Variants in ARHGAP10 observed in about 807,000 individuals in gnomAD.
ARHGAP10 encodes rho GTPase-activating protein 10.
A neutral mutation model predicts 108.6 loss-of-function variants in ARHGAP10; 87 were observed. The observed-to-expected ratio is 0.80, with a 90% confidence interval of 0.67 to 0.96. The LOEUF (loss-of-function observed/expected upper bound fraction) is 0.96. Ranked by LOEUF, ARHGAP10 falls within the 40% of genes least tolerant of loss-of-function variation. ARHGAP10 has a pLI of 0.00. For missense variants in ARHGAP10, 939 were observed against 954.5 expected (o/e 0.98, Z 0.21); for synonymous variants, 347 against 341.1 (o/e 1.02, Z -0.19).
At chr4:147,939,109 A>C (rs1383330611) in intron 13 of ARHGAP10, among the ~76,000 whole-genome samples, 2 of 152,236 alleles carry the variant, frequency 1.3e-5, no homozygotes, top group Non-Finnish European at 2.9e-5. Context: ...ATTGCATCAA[A>C]AATGTCTTTT....
At chr4:147,953,808 C>G (rs1738694762) in intron 15 of ARHGAP10, among the ~76,000 whole-genome samples, 1 of 151,826 alleles carries the variant, frequency 6.6e-6, no homozygotes, top group Admixed American at 6.6e-5. Flanking sequence ...TTAATTTACA[C>G]TTCTTTTTTT....
Position 147,784,793 on chromosome 4 carries a change from A to G in ARHGAP10, c.155-37934A>G, listed in dbSNP as rs1190599667. 2.4e-4 allele frequency among the ~76,000 whole-genome samples: 8 copies of G among 33,128 alleles called. 3 individuals are homozygous for G. Among genetic ancestry groups the G allele is most frequent in the Admixed American group, 1.8e-3 (3 of 1,682 alleles). 21.7% of individuals were successfully genotyped at this position (33,128 alleles called of 152,430 possible). On this transcript the variant is annotated intron_variant, in intron 1 of 22. Coordinates refer to ENST00000336498, the MANE Select transcript of ARHGAP10 (RefSeq NM_024605.4). ...ATAAATATAATATATTATAAAATAT[A>G]TATTATAAATATAATATATTATAAA...
At chr4:147,997,743 T>C (rs1740535667) in intron 18 of ARHGAP10, among the ~76,000 whole-genome samples, 1 of 152,220 alleles carries the variant, frequency 6.6e-6, no homozygotes, top group South Asian at 2.1e-4. Context: ...ATTCTGAGGT[T>C]GATAAGTCTT....
intron 1 of ARHGAP10, among the ~76,000 whole-genome samples, chr4:147,741,296 A>C (rs1728647154): frequency 6.6e-6 from 1 of 152,236 alleles, no homozygotes. Flanking sequence ...ATGAATCTTA[A>C]AGACATTTAA....
chr4:147,889,088 A>G (rs1471302683), intron 10 of ARHGAP10, among the ~76,000 whole-genome samples: 1 of 152,204 alleles, frequency 6.6e-6, no homozygotes, highest in Non-Finnish European at 1.5e-5. Flanking sequence ...ACTGGATTAA[A>G]CGAAATTGAA....
intron 19 of ARHGAP10, among the ~76,000 whole-genome samples, chr4:148,042,977 C>A (rs568487055): frequency 6.9e-4 from 105 of 152,186 alleles, no homozygotes; most frequent in African/African-American, 2.3e-3. Flanking sequence ...CAGTGGCAGT[C>A]CTGATGACTC....
intron 18 of ARHGAP10, among the ~76,000 whole-genome samples, chr4:148,017,585 G>T (rs574111866): frequency 6.7e-6 from 1 of 149,598 alleles, no homozygotes; most frequent in Admixed American, 6.7e-5. Context: ...TGTTTTCTGA[G>T]GCCTGCTTCC....
chr4:147,762,510 A>ATTTATTTATTTATTTATTTTTATTTAT (rs1729630553), intron 1 of ARHGAP10, among the ~76,000 whole-genome samples: 3 of 149,706 alleles, frequency 2.0e-5, no homozygotes, highest in Non-Finnish European at 4.4e-5. Context: ...TTATTTATTT[A>ATTTATTTATTTATTTATTTTTATTTAT]TTTATTTATT....
intron 19 of ARHGAP10, among the ~76,000 whole-genome samples, chr4:148,043,723 C>T: frequency 8.7e-6 from 1 of 115,496 alleles, no homozygotes; most frequent in Admixed American, 9.7e-5. Flanking sequence ...ATGCATTTTT[C>T]ATATATATAT....
At chr4:147,802,909 C>T (rs1731639402) in intron 1 of ARHGAP10, among the ~76,000 whole-genome samples, 2 of 152,156 alleles carry the variant, frequency 1.3e-5, no homozygotes, top group South Asian at 2.1e-4. Flanking sequence ...TTTTGGAGAA[C>T]TCCTTTGCTG....
chr4:147,991,843 A>C (rs1444126886), intron 18 of ARHGAP10, among the ~76,000 whole-genome samples: 1 of 152,128 alleles, frequency 6.6e-6, no homozygotes, highest in African/African-American at 2.4e-5. Context: ...CGTAGTGAGG[A>C]ACTTAGGAGC....
intron 1 of ARHGAP10, among the ~76,000 whole-genome samples, chr4:147,762,619 T>A (rs931966152): frequency 1.3e-5 from 2 of 151,884 alleles, no homozygotes; most frequent in African/African-American, 4.8e-5. Context: ...AAGCTCTGCC[T>A]CCCGGGTTCA....
At chr4:147,892,898 A>G (rs1237271007) in intron 10 of ARHGAP10, among the ~76,000 whole-genome samples, 4 of 152,160 alleles carry the variant, frequency 2.6e-5, no homozygotes, top group South Asian at 2.1e-4. Context: ...TAGAGGGTAG[A>G]GGGCAGCTGT....
At chr4:148,040,341 G>GT (rs950599858) in intron 19 of ARHGAP10, among the ~76,000 whole-genome samples, 18 of 151,892 alleles carry the variant, frequency 1.2e-4, no homozygotes, top group African/African-American at 4.4e-4. Context: ...AGGTTTTTTT[G>GT]TTTTTTGTTT....
chr4:148,060,307 G>T (rs1729554967), intron 20 of ARHGAP10, among the ~76,000 whole-genome samples: 1 of 150,534 alleles, frequency 6.6e-6, no homozygotes, highest in Non-Finnish European at 1.5e-5. Flanking sequence ...CCAAAGTTTG[G>T]AAGGTAAGAG....
At chr4:147,969,876 C>T (rs17024235) in intron 18 of ARHGAP10, among the ~76,000 whole-genome samples, 20,530 of 152,118 alleles carry the variant, frequency 0.13, 1,860 homozygotes, top group African/African-American at 0.26. Flanking sequence ...GCACAACCAA[C>T]GTTAATTAAG....
At chr4:148,001,528 G>C (rs1234170091) in intron 18 of ARHGAP10, among the ~76,000 whole-genome samples, 1 of 151,990 alleles carries the variant, frequency 6.6e-6, no homozygotes, top group Non-Finnish European at 1.5e-5. Flanking sequence ...TCACGATATT[G>C]ATTCTTCCTA....
intron 16 of ARHGAP10, among the ~76,000 whole-genome samples, chr4:147,958,143 T>TA (rs1015419828): frequency 6.6e-6 from 1 of 152,202 alleles, no homozygotes; most frequent in Non-Finnish European, 1.5e-5. Context: ...CTGGATGTCT[T>TA]ACTGCGTGAT....
At chr4:147,921,184 C>CA (rs1237263192) in intron 13 of ARHGAP10, among the ~76,000 whole-genome samples, 5 of 152,102 alleles carry the variant, frequency 3.3e-5, no homozygotes, top group African/African-American at 1.2e-4. Flanking sequence ...TTGTACCAGT[C>CA]ACATTTAGCA....
Sources: gnomAD v4.1 joint callset for allele counts (sites outside exome capture counted in the v4.1 genomes callset) on GRCh38, gnomAD v4.1.1 for gene constraint, MANE v1.5 for transcripts, NCBI Gene and HGNC (gene_info 2026-07-23, HGNC 2026-07-21) for gene names.